The following BPTF variants were observed in gnomAD, a reference collection of about 807,000 sequenced individuals.
The protein encoded by BPTF is bromodomain PHD finger transcription factor.
A neutral mutation model predicts 292.5 loss-of-function variants in BPTF; 18 were observed. That is an observed-to-expected ratio of 0.06 (90% CI 0.04 to 0.09). The LOEUF is 0.09. Ranked by LOEUF, BPTF falls within the 10% of genes least tolerant of loss-of-function variation. The probability of loss-of-function intolerance (pLI) is 1.00; values close to 1 mark genes in which losing one functional copy is unlikely to be tolerated. For missense variants in BPTF, 2,726 were observed against 3,498.7 expected, an observed-to-expected ratio of 0.78 and a Z score of 5.57; for synonymous variants, 1,225 against 1,251.9, an observed-to-expected ratio of 0.98 and a Z score of 0.45.
chr17:67,931,445 A>G (rs1195593303), intron 17 of BPTF, among the ~76,000 whole-genome samples: 1 of 152,200 alleles, frequency 6.6e-6, no homozygotes, highest in Non-Finnish European at 1.5e-5. Flanking sequence ...ACTGCATTCC[A>G]TCTTGGGCAA....
intron 18 of BPTF, among the ~76,000 whole-genome samples, chr17:67,934,957 C>G (rs1432724290): frequency 6.7e-6 from 1 of 149,352 alleles, no homozygotes; most frequent in Non-Finnish European, 1.5e-5. Context: ...CAAAACAATT[C>G]TCAAATAGCA....
intron 24 of BPTF, chr17:67,963,614 A>G (rs1480067041): frequency 8.8e-7 from 1 of 1,132,062 alleles, no homozygotes; most frequent in African/African-American, 1.6e-5. Context: ...TACATTTATT[A>G]TACACTTACA....
At chr17:67,963,227 G>A in intron 24 of BPTF, 1 of 1,290,378 alleles carries the variant, frequency 7.7e-7, no homozygotes, top group Non-Finnish European at 1.0e-6. Flanking sequence ...ACTCATTGCA[G>A]GAAGTTACAC....
Position 67,946,202 on chromosome 17 carries a change from A to C in BPTF, c.7494A>C (p.Gln2498His), listed in dbSNP as rs1555675362. The stretch of plus-strand genomic sequence containing the variant: ...TTACAGTGCAGGCAGCCAGTGTGCA[A>C]GAGCAGTTGCAAAGGGTTCAGCAAC... Reference protein sequence around the residue: ...NVVTVQAASVQEQLQRVQQLR... With the variant: ...NVVTVQAASVHEQLQRVQQLR... The change falls in exon 21 of 28, where the codon CAA becomes CAC. Residue 2498 changes from glutamine to histidine, a missense_variant. By Grantham distance (24) the Gln-to-His change is conservative. Around this residue, in one of 22 missense-constraint regions of BPTF, gnomAD observed 570 missense variants for 633.5 expected, o/e 0.90. Coordinates refer to ENST00000306378, the MANE Select transcript of BPTF (RefSeq NM_182641.4). The C allele has an allele frequency of 1.2e-6, 2 of 1,614,282 alleles. No individual in the cohort carries two copies. Among genetic ancestry groups the C allele is most frequent in the Non-Finnish European group, 1.7e-6 (2 of 1,180,050 alleles).
At chr17:67,861,106 C>T (rs1012401097) in intron 2 of BPTF, among the ~76,000 whole-genome samples, 1 of 152,220 alleles carries the variant, frequency 6.6e-6, no homozygotes, top group Non-Finnish European at 1.5e-5. Context: ...ACCTACTCTT[C>T]ATCCAGCGTT....
intron 4 of BPTF, among the ~76,000 whole-genome samples, chr17:67,888,784 A>G (rs2060913335): frequency 6.6e-6 from 1 of 152,100 alleles, no homozygotes; most frequent in Non-Finnish European, 1.5e-5. Flanking sequence ...TGAGAAACAT[A>G]TAAGAAGATT....
In BPTF at chr17:67,860,464, A is replaced by G. The variant is rs541446168; in HGVS notation, c.1436+5702A>G. Among the ~76,000 whole-genome samples the G allele has an allele frequency of 3.9e-5, 6 of 152,322 alleles. No homozygotes were observed. The South Asian group carries it at 1.2e-3, about 32-fold the overall frequency. On this transcript the variant is annotated intron_variant, in intron 2 of 27. Coordinates refer to ENST00000306378, the MANE Select transcript of BPTF (RefSeq NM_182641.4). Reference sequence around the variant, plus strand: ...GTGCTTAAAAATATGTTATTTGTATAGATTAGTGAAGCTTATAATAAAAAA... The same window carrying G: ...GTGCTTAAAAATATGTTATTTGTATGGATTAGTGAAGCTTATAATAAAAAA...
At chr17:67,919,953 T>G in intron 12 of BPTF, 62 bp from the exon 13 acceptor site, 1 of 1,507,748 alleles carries the variant, frequency 6.6e-7, no homozygotes, top group Non-Finnish European at 9.0e-7. Flanking sequence ...GCACCAGATG[T>G]ACCTTTTTAG....
rs772746427 is a variant in BPTF, at chr17:67,924,562, G to A, written c.5724G>A (p.Lys1908=). The A allele has an allele frequency of 6.2e-7, 1 of 1,613,668 alleles. No homozygotes were observed. The highest frequency in any genetic ancestry group is 1.1e-5 in the South Asian group (1 of 91,040). Residue 1908 remains lysine, a synonymous_variant, in exon 15 of 28, where the codon AAG becomes AAA. Transcript: ENST00000306378. ...RAFAERVEKE[K]AQAVEQQAKK... ...TTTCCTGCAGAGTGGAGAAAGAAAA[G>A]GCACAAGCAGTTGAGCAACAGGCTA...
At chr17:67,886,391 G>T in intron 4 of BPTF, 11 of 1,039,214 alleles carry the variant, frequency 1.1e-5, no homozygotes, top group South Asian at 7.1e-5. Context: ...GTGTGTGTGT[G>T]GTTTTTTGCT....
chr17:67,881,852 G>GTTTTTT (rs1280950839), intron 4 of BPTF, among the ~76,000 whole-genome samples: 2 of 38,384 alleles, frequency 5.2e-5, no homozygotes, highest in Admixed American at 4.8e-4. Context: ...GGGATTTTGG[G>GTTTTTT]TTTTTGTTTT....
At chr17:67,886,056 A>G (rs4318247) in intron 4 of BPTF, 248,366 of 1,144,156 alleles carry the variant, frequency 0.22, 33,136 homozygotes, top group East Asian at 0.67. Context: ...TCCTAAAACA[A>G]TTGTCTTTTC....
At chr17:67,906,697 C>G (rs1386299747) in intron 9 of BPTF, among the ~76,000 whole-genome samples, 1 of 152,158 alleles carries the variant, frequency 6.6e-6, no homozygotes, top group Non-Finnish European at 1.5e-5. Flanking sequence ...AGAAATCATT[C>G]ATTTAAATTA....
chr17:67,917,578 G>C (rs1312106960), intron 11 of BPTF, among the ~76,000 whole-genome samples: 1 of 151,758 alleles, frequency 6.6e-6, no homozygotes, highest in Non-Finnish European at 1.5e-5. Flanking sequence ...TGTCCGTTTG[G>C]AAAGGTCTTA....
chr17:67,832,313 A>G (rs2056763217), intron 1 of BPTF, among the ~76,000 whole-genome samples: 1 of 151,826 alleles, frequency 6.6e-6, no homozygotes, highest in Non-Finnish European at 1.5e-5. Context: ...AGGTGACCGT[A>G]TAGAAATAAT....
chr17:67,924,696 T>C (rs1228783494), intron 15 of BPTF, 107 bp downstream of exon 15: 1 of 1,237,222 alleles, frequency 8.1e-7, no homozygotes, highest in Non-Finnish European at 1.2e-6. Flanking sequence ...CTGGTCCCAC[T>C]TGACAACATA....
rs2062749928 is a variant in BPTF, at chr17:67,912,979, A to G, written c.5095A>G (p.Thr1699Ala). 2 of 1,614,064 alleles carry G rather than the reference A, an allele frequency of 1.2e-6. No homozygotes were observed. Among genetic ancestry groups the G allele is most frequent in the Admixed American group, 1.7e-5 (1 of 59,998 alleles). The change falls in exon 11 of 28, where the codon ACT becomes GCT. Residue 1699 changes from threonine (T) to alanine (A), a missense_variant. Thr to Ala is a moderately conservative substitution (Grantham distance 58, BLOSUM62 0). Coordinates refer to ENST00000306378, the MANE Select transcript of BPTF (RefSeq NM_182641.4). ...KLMKFSRPKKTRSGTALPSYR... is the reference protein window; with the variant it reads ...KLMKFSRPKKARSGTALPSYR... Reference sequence around the variant, plus strand: ...GATGAAATTTTCAAGACCAAAGAAGACTCGTTCAGGTACAGCTCTGCCATC... The same window carrying G: ...GATGAAATTTTCAAGACCAAAGAAGGCTCGTTCAGGTACAGCTCTGCCATC...
At chr17:67,981,664 ATCTGC>A in intron 27 of BPTF, 1 of 998,738 alleles carries the variant, frequency 1.0e-6, no homozygotes, top group African/African-American at 1.7e-5. Context: ...TACTGTATTT[ATCTGC>A]TATTTCAATA....
At chr17:67,926,196 T>C (rs1032548902) in intron 15 of BPTF, among the ~76,000 whole-genome samples, 11 of 151,148 alleles carry the variant, frequency 7.3e-5, no homozygotes, top group Admixed American at 6.6e-4. Context: ...TTTGTAGAGA[T>C]AGGACTTTTG....
Sources: allele counts gnomAD v4.1 joint callset (sites outside exome capture counted in the v4.1 genomes callset), GRCh38; gene constraint gnomAD v4.1.1; regional missense constraint gnomAD v4.1.1; transcripts MANE v1.5; gene names NCBI Gene and HGNC (gene_info 2026-07-23, HGNC 2026-07-21).